The following TBC1D32 variants were observed in gnomAD, a reference collection of about 807,000 sequenced individuals.
TBC1D32 encodes the protein protein broad-minded.
In TBC1D32, 151 loss-of-function variants were observed where a neutral mutation model predicts 170.3. The observed-to-expected ratio is 0.89, with a 90% CI of 0.78 to 1.01. The LOEUF (loss-of-function observed/expected upper bound fraction) is 1.01, where lower values mean the gene tolerates loss of function less well. Ranked by LOEUF, TBC1D32 falls within the 50% of genes least tolerant of loss-of-function variation. The pLI is 0.00. For missense variants in TBC1D32, 1,464 were observed against 1,457.1 expected (o/e 1.00, Z -0.08); for synonymous variants, 498 against 488.0 (o/e 1.02, Z -0.27).
At chr6:121,132,036 T>C (rs1222347839) in intron 24 of TBC1D32, among the ~76,000 whole-genome samples, 1 of 152,032 alleles carries the variant, frequency 6.6e-6, no homozygotes, top group Non-Finnish European at 1.5e-5. Context: ...TATGGCTCAT[T>C]ACTGAGTATC....
intron 15 of TBC1D32, among the ~76,000 whole-genome samples, chr6:121,270,883 T>C (rs1450839650): frequency 6.6e-6 from 1 of 151,978 alleles, no homozygotes; most frequent in Non-Finnish European, 1.5e-5. Context: ...GCAAACCGAA[T>C]CCAGCAGCAC....
chr6:121,305,351 T>C (rs986121928), intron 5 of TBC1D32, among the ~76,000 whole-genome samples: 6 of 151,990 alleles, frequency 3.9e-5, no homozygotes, highest in Non-Finnish European at 7.4e-5. Context: ...AGAAGGTAAA[T>C]AAGTTAAAAG....
rs555205736 is a variant in TBC1D32 at position 121,134,188 on chromosome 6, T to A, written c.2774-2436A>T. Among the ~76,000 whole-genome samples the A allele has an allele frequency of 3.0e-4, 46 of 152,234 alleles. 1 individual carries two copies. The South Asian group carries it at 7.2e-3, about 24-fold the overall frequency. ...GATAATGCAGTTTTTTCATCTTTGT[T>A]TCCTCCTGTTTTCTTCTTCTACTCA... On this transcript the variant is annotated intron_variant, in intron 24 of 31. Coordinates refer to ENST00000398212, the MANE Select transcript of TBC1D32 (RefSeq NM_152730.6).
At chr6:121,090,689 C>T (rs1431395951) in intron 31 of TBC1D32, among the ~76,000 whole-genome samples, 164 bp downstream of exon 31, 1 of 152,154 alleles carries the variant, frequency 6.6e-6, no homozygotes, top group Non-Finnish European at 1.5e-5. Context: ...GGCAACTTAA[C>T]TCTGTGCCTC....
At chr6:121,173,160 A>G (rs539571222) in intron 22 of TBC1D32, among the ~76,000 whole-genome samples, 15 of 152,212 alleles carry the variant, frequency 9.9e-5, no homozygotes, top group Non-Finnish European at 1.9e-4. Flanking sequence ...CGCAGCCAGA[A>G]TAAAAGCAGG....
intron 24 of TBC1D32, among the ~76,000 whole-genome samples, chr6:121,139,107 A>C (rs1157065611): frequency 1.3e-5 from 2 of 152,124 alleles, no homozygotes; most frequent in East Asian, 3.9e-4. Flanking sequence ...CGGCCTCCCA[A>C]AGTGCTGGGA....
intron 22 of TBC1D32, among the ~76,000 whole-genome samples, chr6:121,184,232 T>C (rs987255771): frequency 7.2e-5 from 11 of 151,998 alleles, no homozygotes; most frequent in Admixed American, 3.9e-4. Flanking sequence ...GAGGTCATGA[T>C]GAAAAACTAC....
At position 121,316,682 on chromosome 6, in the gene TBC1D32, C is replaced by T. The variant is rs532119562; in HGVS notation, c.495+813G>A. On this transcript the variant is annotated intron_variant, in intron 3 of 31. Coordinates refer to ENST00000398212, the MANE Select transcript of TBC1D32 (RefSeq NM_152730.6). ...TTCCACTATTTCCAAAACCAATTTT[C>T]CTTCAATCATGCAGTCCCAACTTGA... Among the ~76,000 whole-genome samples, 29 of 152,288 alleles carry T rather than the reference C, an allele frequency of 1.9e-4. 2 individuals carry two copies. The South Asian group carries it at 6.0e-3, about 32-fold the overall frequency.
intron 15 of TBC1D32, among the ~76,000 whole-genome samples, chr6:121,264,448 A>C (rs1156624464): frequency 7.9e-5 from 12 of 152,182 alleles, no homozygotes; most frequent in Non-Finnish European, 1.8e-4. Flanking sequence ...AAAAAAGCCA[A>C]GGACCAAATG....
intron 13 of TBC1D32, among the ~76,000 whole-genome samples, chr6:121,282,771 A>T (rs1803211096): frequency 6.6e-6 from 1 of 151,860 alleles, no homozygotes; most frequent in South Asian, 2.1e-4. Context: ...GTAAACCAAT[A>T]TATAAACAAG....
chr6:121,089,321 A>G (rs189075003), intron 31 of TBC1D32, among the ~76,000 whole-genome samples: 1 of 152,234 alleles, frequency 6.6e-6, no homozygotes, highest in East Asian at 1.9e-4. Context: ...ATAATTTCGG[A>G]TGGTGATAAA....
At chr6:121,287,503 A>C (rs980349030) in intron 12 of TBC1D32, among the ~76,000 whole-genome samples, 1 of 152,142 alleles carries the variant, frequency 6.6e-6, no homozygotes, top group Middle Eastern at 3.4e-3. Context: ...ATTCATAAAG[A>C]AAGTCCTTAG....
intron 12 of TBC1D32, among the ~76,000 whole-genome samples, chr6:121,289,413 G>A (rs905518214): frequency 6.6e-5 from 10 of 152,080 alleles, no homozygotes; most frequent in South Asian, 2.1e-4. Context: ...TGCTTCAAAG[G>A]GAATAAAATA....
At position 121,191,103 on chromosome 6, in the gene TBC1D32, T is replaced by A. The variant is rs145090586; in HGVS notation, c.2570+13972A>T. Among the ~76,000 whole-genome samples the A allele has an allele frequency of 3.0e-4, 45 of 152,278 alleles. No individual in the cohort carries two copies. The East Asian group carries it at 8.3e-3, about 28-fold the overall frequency. Reference sequence around the variant, plus strand: ...TGTGCTTGGTTAAGATACATATGCATGTGTGGATATGTAATATACATTTAC... The same window carrying A: ...TGTGCTTGGTTAAGATACATATGCAAGTGTGGATATGTAATATACATTTAC... On this transcript the variant is annotated intron_variant, in intron 22 of 31. Coordinates refer to ENST00000398212, the MANE Select transcript of TBC1D32 (RefSeq NM_152730.6).
intron 17 of TBC1D32, among the ~76,000 whole-genome samples, chr6:121,244,138 C>T (rs1797323542): frequency 6.6e-6 from 1 of 151,898 alleles, no homozygotes; most frequent in Admixed American, 6.6e-5. Flanking sequence ...GAAATAATTA[C>T]AGCAGGAAAA....
intron 30 of TBC1D32, among the ~76,000 whole-genome samples, chr6:121,099,278 G>A (rs1162163579): frequency 6.6e-6 from 1 of 151,800 alleles, no homozygotes; most frequent in Non-Finnish European, 1.5e-5. Flanking sequence ...ACAAAATACA[G>A]TAAGACTTTT....
intron 21 of TBC1D32, among the ~76,000 whole-genome samples, chr6:121,214,049 T>C (rs1793501272): frequency 6.6e-6 from 1 of 152,220 alleles, no homozygotes; most frequent in South Asian, 2.1e-4. Flanking sequence ...ACTCCCTGTT[T>C]GATAAACGTG....
intron 15 of TBC1D32, among the ~76,000 whole-genome samples, chr6:121,269,095 A>T (rs1028465154): frequency 3.3e-5 from 5 of 152,204 alleles, no homozygotes; most frequent in Non-Finnish European, 5.9e-5. Context: ...CCTGCCTTAC[A>T]AGAGCTGCTG....
chr6:121,090,495 T>C (rs1776693981), intron 31 of TBC1D32, among the ~76,000 whole-genome samples: 1 of 152,128 alleles, frequency 6.6e-6, no homozygotes, highest in Admixed American at 6.5e-5. Context: ...TATGAAAGCA[T>C]AGGAAATTAA....
Sources: gnomAD v4.1 joint callset for allele counts (sites outside exome capture counted in the v4.1 genomes callset) on GRCh38, gnomAD v4.1.1 for gene constraint, MANE v1.5 for transcripts, NCBI Gene and HGNC (gene_info 2026-07-23, HGNC 2026-07-21) for gene names.